The following NLN variants were observed in gnomAD, a reference collection of about 807,000 sequenced individuals.
NLN encodes the protein neurolysin.
A neutral mutation model predicts 79.9 loss-of-function variants in NLN; 64 were observed. The ratio of observed to expected loss-of-function variants is 0.80; its 90% confidence interval spans 0.65 to 0.99. The LOEUF is 0.99. Ranked by LOEUF, NLN falls within the 50% of genes least tolerant of loss-of-function variation. The probability of loss-of-function intolerance (pLI) is 0.00; values close to 1 mark genes in which losing one functional copy is unlikely to be tolerated. For synonymous variants in NLN, 267 were observed against 296.6 expected, an observed-to-expected ratio of 0.90 and a Z score of 1.02; for missense variants, 835 against 858.7, an observed-to-expected ratio of 0.97 and a Z score of 0.34.
At chr5:65,789,305 TA>T (rs900080919) in intron 8 of NLN, among the ~76,000 whole-genome samples, 19 of 152,222 alleles carry the variant, frequency 1.2e-4, no homozygotes, top group African/African-American at 4.1e-4. Flanking sequence ...ATAGGTCCTA[TA>T]AACTGGGAAT....
intron 11 of NLN, among the ~76,000 whole-genome samples, chr5:65,810,951 C>A (rs1760530926): frequency 6.6e-6 from 1 of 152,132 alleles, no homozygotes; most frequent in Admixed American, 6.5e-5. Context: ...TGCACTCCAG[C>A]CTGGGTGACA....
chr5:65,795,824 A>AT (rs1349731080), intron 9 of NLN, among the ~76,000 whole-genome samples: 3 of 152,204 alleles, frequency 2.0e-5, no homozygotes, highest in Non-Finnish European at 4.4e-5. Flanking sequence ...ATTTAAAAAA[A>AT]TTTTTTGTAA....
In NLN at chr5:65,761,536, C is replaced by T. The variant is rs143039822; in HGVS notation, c.302-1424C>T. Among the ~76,000 whole-genome samples, 1,240 of 152,240 alleles carry T rather than the reference C, an allele frequency of 8.1e-3. 14 individuals are homozygous for T. The highest frequency in any genetic ancestry group is 0.028 in the African/African-American group (1,168 of 41,524). On this transcript the variant is annotated intron_variant, in intron 2 of 12. Transcript: ENST00000380985. ...CAAACTCCTGACCTCAGATGATCCA[C>T]CTGCCTCAGCCTCCCAGAATGCTGG... is the stretch of plus-strand genomic sequence containing the variant.
chr5:65,789,253 G>A (rs1462883639), intron 8 of NLN, among the ~76,000 whole-genome samples: 1 of 152,170 alleles, frequency 6.6e-6, no homozygotes, highest in Non-Finnish European at 1.5e-5. Context: ...TTACTAGGTA[G>A]GTTACTTAAT....
intron 6 of NLN, among the ~76,000 whole-genome samples, chr5:65,784,871 T>C (rs1336225342): frequency 6.6e-6 from 1 of 152,220 alleles, no homozygotes; most frequent in East Asian, 1.9e-4. Context: ...TATTCTATTC[T>C]GTGTCTCTGT....
intron 9 of NLN, among the ~76,000 whole-genome samples, chr5:65,802,217 G>C (rs904378605): frequency 3.6e-4 from 55 of 152,238 alleles, no homozygotes; most frequent in African/African-American, 1.3e-3. Flanking sequence ...TGCCTGCCAA[G>C]GGCAAGTGGA....
At position 65,762,966 on chromosome 5, in the gene NLN, G is replaced by C. The variant is rs1759370487; in HGVS notation, c.308G>C (p.Arg103Thr). ...TTTTTTTCTCCATCTGCAGTGGAAA[G>C]GACCATGCTAGACTTTCCCCAGCAT... Reference protein sequence around the residue: ...ADVEVKYIVERTMLDFPQHVS... With the variant: ...ADVEVKYIVETTMLDFPQHVS... The change falls in exon 3 of 13, where the codon AGG (arginine) becomes ACG (threonine). Residue 103 changes from arginine (R) to threonine (T), a missense_variant. Transcript: ENST00000380985. 6.2e-7 allele frequency: 1 copy of C among 1,613,716 alleles called. No individual in the cohort carries two copies. The highest frequency in any genetic ancestry group is 1.7e-5 in the Admixed American group (1 of 59,938).
intron 2 of NLN, 93 bp downstream of exon 2, chr5:65,758,919 G>T (rs1172249602): frequency 8.5e-7 from 1 of 1,181,212 alleles, no homozygotes; most frequent in Non-Finnish European, 1.2e-6. Flanking sequence ...AGTTTTACAA[G>T]CATTGATTTT....
Position 65,796,369 on chromosome 5 carries a change from G to C in NLN, c.1527+3714G>C, listed in dbSNP as rs184841666. Among the ~76,000 whole-genome samples, 12 of 152,136 alleles carry C rather than the reference G, an allele frequency of 7.9e-5. No homozygotes were observed. In the East Asian group the frequency reaches 9.6e-4, roughly 12 times the overall value. On this transcript the variant is annotated intron_variant, in intron 9 of 12. Coordinates refer to ENST00000380985, the MANE Select transcript of NLN (RefSeq NM_020726.5). ...TTTTGAGATAGTCACTTTAGTACTAGAAAGATCTTTTCTTGGTACTCTGAC... is the reference window on the plus strand; with the variant it reads ...TTTTGAGATAGTCACTTTAGTACTACAAAGATCTTTTCTTGGTACTCTGAC...
At chr5:65,812,725 G>A (rs985452889) in intron 12 of NLN, among the ~76,000 whole-genome samples, 17 of 152,310 alleles carry the variant, frequency 1.1e-4, no homozygotes, top group African/African-American at 3.1e-4. Flanking sequence ...TTTATAGGAG[G>A]TTGGGAAAGA....
At chr5:65,753,973 A>G (rs1456238824) in intron 1 of NLN, among the ~76,000 whole-genome samples, 1 of 152,136 alleles carries the variant, frequency 6.6e-6, no homozygotes, top group Non-Finnish European at 1.5e-5. Context: ...ATTATTTTGC[A>G]CCAACACCAA....
At chr5:65,800,141 A>G (rs7711323) in intron 9 of NLN, among the ~76,000 whole-genome samples, 1 of 152,206 alleles carries the variant, frequency 6.6e-6, no homozygotes, top group African/African-American at 2.4e-5. Flanking sequence ...CTATCATGGA[A>G]ATAACACTTA....
chr5:65,779,361 CT>C (rs966219910), intron 4 of NLN, among the ~76,000 whole-genome samples: 71 of 147,100 alleles, frequency 4.8e-4, no homozygotes, highest in East Asian at 1.2e-3. Flanking sequence ...AAAATTGTAT[CT>C]TTTTTTTTTT....
chr5:65,754,064 T>C (rs567711647), intron 1 of NLN, among the ~76,000 whole-genome samples: 5 of 151,994 alleles, frequency 3.3e-5, no homozygotes, highest in African/African-American at 1.2e-4. Flanking sequence ...CTTATTCCTT[T>C]ATCAGTTTTC....
intron 1 of NLN, among the ~76,000 whole-genome samples, chr5:65,744,271 T>C (rs2150739285): frequency 6.6e-6 from 1 of 152,290 alleles, no homozygotes; most frequent in Admixed American, 6.5e-5. Context: ...TTGCTGGGAT[T>C]ACAGGCGTGA....
intron 3 of NLN, among the ~76,000 whole-genome samples, chr5:65,776,353 G>T (rs1263896838): frequency 6.6e-6 from 1 of 152,200 alleles, no homozygotes; most frequent in East Asian, 1.9e-4. Flanking sequence ...TGCAACAAAA[G>T]ATATACAATT....
At chr5:65,798,235 G>A (rs568895276) in intron 9 of NLN, among the ~76,000 whole-genome samples, 3 of 152,272 alleles carry the variant, frequency 2.0e-5, no homozygotes, top group East Asian at 3.9e-4. Context: ...TGAAGTAGAT[G>A]GGTACTGTTA....
chr5:65,788,473 C>T lies in NLN; in HGVS notation c.1314C>T (p.Asp438=). The T allele has an allele frequency of 6.2e-7, 1 of 1,613,030 alleles. No homozygotes were observed. The highest frequency in any genetic ancestry group is 8.5e-7 in the Non-Finnish European group (1 of 1,179,154). Residue 438 remains aspartate, a synonymous_variant, in exon 8 of 13, where the codon GAC becomes GAT. Transcript: ENST00000380985. ...AAGTATTGGGACAGTTCTATTTGGACCTCTATCCAAGGTACTGAGGATCAC... is the reference window on the plus strand; with the variant it reads ...AAGTATTGGGACAGTTCTATTTGGATCTCTATCCAAGGTACTGAGGATCAC... The part of the protein sequence containing the change: ...TGEVLGQFYL[D]LYPREGKYNH...
At chr5:65,742,737 G>C (rs2561225) in intron 1 of NLN, among the ~76,000 whole-genome samples, 1 of 151,962 alleles carries the variant, frequency 6.6e-6, no homozygotes, top group Non-Finnish European at 1.5e-5. Context: ...AAGAGCAGTC[G>C]AATTGTAGCA....
Sources: allele counts gnomAD v4.1 joint callset (sites outside exome capture counted in the v4.1 genomes callset), GRCh38; gene constraint gnomAD v4.1.1; transcripts MANE v1.5; gene names NCBI Gene and HGNC (gene_info 2026-07-23, HGNC 2026-07-21).